Variants in PPA2 observed in about 807,000 individuals in gnomAD.
The protein encoded by PPA2 is inorganic pyrophosphatase 2.
In PPA2, 48 loss-of-function variants were observed where a neutral mutation model predicts 49.5. The ratio of observed to expected loss-of-function variants is 0.97; its 90% confidence interval spans 0.77 to 1.23. The LOEUF is 1.23. Among genes scored for constraint, PPA2 ranks in the 50% most tolerant of loss-of-function variants. PPA2 has a pLI of 0.00. For synonymous variants in PPA2, 131 were observed against 139.9 expected (o/e 0.94, Z 0.45); for missense variants, 429 against 410.1 (o/e 1.05, Z -0.40).
rs527393249 is a variant in PPA2, at chr4:105,448,576, A to T, written c.321+774T>A. ...ATAGGTTCATTTCCCGGAAAAATTTAAAAAAAAAAAAAAAGCTAACCAGAA... is the reference window on the plus strand; with the variant it reads ...ATAGGTTCATTTCCCGGAAAAATTTTAAAAAAAAAAAAAAGCTAACCAGAA... On this transcript the variant is annotated intron_variant, in intron 4 of 11. Coordinates refer to ENST00000341695, the MANE Select transcript of PPA2 (RefSeq NM_176869.3). Among the ~76,000 whole-genome samples, 1,398 of 141,150 alleles carry T rather than the reference A, an allele frequency of 9.9e-3. 17 individuals carry two copies. Among genetic ancestry groups the T allele is most frequent in the African/African-American group, 0.034 (1,303 of 38,832 alleles). 92.6% of individuals were successfully genotyped at this position (141,150 alleles called of 152,430 possible).
At chr4:105,409,516 T>C (rs1165070465) in intron 7 of PPA2, among the ~76,000 whole-genome samples, 1 of 152,228 alleles carries the variant, frequency 6.6e-6, no homozygotes, top group Admixed American at 6.5e-5. Context: ...TGTCCCTGTC[T>C]GATAGCTCTG....
intron 6 of PPA2, among the ~76,000 whole-genome samples, chr4:105,434,715 A>G (rs1269686181): frequency 1.3e-5 from 2 of 152,354 alleles, no homozygotes; most frequent in East Asian, 1.9e-4. Context: ...ATAAGAACAG[A>G]TAAGACATGT....
At chr4:105,473,331 T>C (rs1723605622) in intron 1 of PPA2, 2 of 279,874 alleles carry the variant, frequency 7.1e-6, no homozygotes, top group Non-Finnish European at 1.4e-5. Context: ...GGTGTAAACT[T>C]GTGCGTACCA....
chr4:105,446,854 T>A (rs1722405998), intron 4 of PPA2, among the ~76,000 whole-genome samples: 1 of 152,142 alleles, frequency 6.6e-6, no homozygotes, highest in South Asian at 2.1e-4. Context: ...AATATTATGA[T>A]AATAAAACTA....
At chr4:105,438,902 T>C (rs1724201108) in intron 5 of PPA2, among the ~76,000 whole-genome samples, 1 of 152,150 alleles carries the variant, frequency 6.6e-6, no homozygotes, top group African/African-American at 2.4e-5. Flanking sequence ...TAATTTTATA[T>C]AGATAATTAC....
chr4:105,396,218 C>A (rs200153907), intron 9 of PPA2, 31 bp downstream of exon 9: 34 of 1,348,160 alleles, frequency 2.5e-5, no homozygotes, highest in South Asian at 4.1e-5. Context: ...ATTAATATAA[C>A]ATTACTTACA....
At chr4:105,434,079 C>T (rs1264941617) in intron 6 of PPA2, among the ~76,000 whole-genome samples, 4 of 152,042 alleles carry the variant, frequency 2.6e-5, no homozygotes, top group East Asian at 3.9e-4. Flanking sequence ...CCTCTTAGCT[C>T]GCCTCCCAAA....
At chr4:105,398,936 C>G in intron 8 of PPA2, 101 bp downstream of exon 8, 1 of 1,223,828 alleles carries the variant, frequency 8.2e-7, no homozygotes. Context: ...ACTTTTTTAA[C>G]CATGCTATAT....
chr4:105,386,540 A>AGGAT (rs753086792), intron 10 of PPA2, 27 bp downstream of exon 10: 131 of 1,583,830 alleles, frequency 8.3e-5, no homozygotes, highest in Non-Finnish European at 1.1e-4. Context: ...ATAAGATTAA[A>AGGAT]GGATGTCTTG....
At chr4:105,389,817 A>T (rs72964213) in intron 9 of PPA2, among the ~76,000 whole-genome samples, 5,012 of 152,278 alleles carry the variant, frequency 0.033, 275 homozygotes, top group African/African-American at 0.11. Flanking sequence ...GAAAAAGGCA[A>T]AGAGAAAATT....
chr4:105,415,477 C>T (rs1281517234), intron 7 of PPA2, among the ~76,000 whole-genome samples: 1 of 152,198 alleles, frequency 6.6e-6, no homozygotes, highest in Non-Finnish European at 1.5e-5. Context: ...GGATCGGCCT[C>T]GACTTCACTC....
chr4:105,441,623 G>A (rs1281345011), intron 5 of PPA2, among the ~76,000 whole-genome samples: 1 of 151,790 alleles, frequency 6.6e-6, no homozygotes, highest in African/African-American at 2.4e-5. Context: ...TGACTAACAG[G>A]TATATAAGTA....
intron 10 of PPA2, 105 bp from the exon 11 acceptor site, chr4:105,370,978 A>G (rs1353380960): frequency 6.5e-6 from 7 of 1,079,086 alleles, no homozygotes; most frequent in African/African-American, 3.3e-5. Flanking sequence ...GTTTACACAC[A>G]ATGGATCTCT....
intron 5 of PPA2, among the ~76,000 whole-genome samples, chr4:105,441,446 C>G (rs72950590): frequency 0.033 from 5,021 of 152,072 alleles, 277 homozygotes; most frequent in African/African-American, 0.11. Flanking sequence ...TAAGGATATA[C>G]GGTACTGGAA....
In PPA2 at chr4:105,371,201, G is replaced by GCA. The variant is rs554944261; in HGVS notation, c.940-330_940-329dup. Reference sequence around the variant, plus strand: ...CTAATGTCTTGAAAGTTAAAATCAAGCACACACACACACATATTTAAATAT... The same window carrying GCA: ...CTAATGTCTTGAAAGTTAAAATCAAGCACACACACACACACATATTTAAATAT... On this transcript the variant is annotated intron_variant, in intron 10 of 11. Coordinates refer to ENST00000341695, the MANE Select transcript of PPA2 (RefSeq NM_176869.3). Among the ~76,000 whole-genome samples the GCA allele has an allele frequency of 2.9e-4, 44 of 151,768 alleles. No individual in the cohort carries two copies. The South Asian group carries it at 5.4e-3, about 19-fold the overall frequency.
intron 4 of PPA2, 30 bp from the exon 5 acceptor site, chr4:105,446,532 G>A: frequency 1.3e-6 from 2 of 1,589,130 alleles, no homozygotes; most frequent in Admixed American, 1.8e-5. Context: ...AAGAAAAGGA[G>A]ATGGGATAAG....
chr4:105,410,549 AG>A (rs1722704014), intron 7 of PPA2, among the ~76,000 whole-genome samples: 1 of 152,240 alleles, frequency 6.6e-6, no homozygotes, highest in Admixed American at 6.5e-5. Context: ...ATTCAAATTC[AG>A]GAAATACAGA....
chr4:105,370,241 G>C (rs532536926), intron 11 of PPA2, among the ~76,000 whole-genome samples: 1 of 152,188 alleles, frequency 6.6e-6, no homozygotes, highest in African/African-American at 2.4e-5. Flanking sequence ...ACAGTAAATA[G>C]TTCTCATATT....
intron 10 of PPA2, among the ~76,000 whole-genome samples, chr4:105,383,518 T>C (rs1337576999): frequency 6.6e-6 from 1 of 152,192 alleles, no homozygotes; most frequent in East Asian, 1.9e-4. Flanking sequence ...CTTCCTCCAA[T>C]AGTTCTATCA....
Sources: gnomAD v4.1 joint callset for allele counts (sites outside exome capture counted in the v4.1 genomes callset) on GRCh38, gnomAD v4.1.1 for gene constraint, MANE v1.5 for transcripts, NCBI Gene and HGNC (gene_info 2026-07-23, HGNC 2026-07-21) for gene names.